Variants in TPR observed in about 807,000 individuals in gnomAD.
The protein encoded by TPR is nucleoprotein TPR.
A neutral mutation model predicts 316.1 loss-of-function variants in TPR; 51 were observed. The observed-to-expected ratio is 0.16, with a 90% CI of 0.13 to 0.20. The LOEUF (loss-of-function observed/expected upper bound fraction) is 0.20, where lower values mean the gene tolerates loss of function less well. Ranked by LOEUF, TPR falls within the 10% of genes least tolerant of loss-of-function variation. The pLI, the probability that TPR is intolerant of heterozygous loss-of-function variation, is 1.00. For synonymous variants in TPR, 981 were observed against 914.7 expected (o/e 1.07, Z -1.31); for missense variants, 2,272 against 2,754.8 (o/e 0.82, Z 3.92).
rs758151167 is a variant in TPR, at chr1:186,312,929, A to C, written c.*1042T>G. The C allele has an allele frequency of 6.3e-7, 1 of 1,589,108 alleles. No homozygotes were observed. Among genetic ancestry groups the C allele is most frequent in the Admixed American group, 1.7e-5 (1 of 59,948 alleles). ...TAACTAACAGTTTCCCAAGGAGGTG[A>C]TATCATTTGTGAAAACATGAAGATA... is the stretch of plus-strand genomic sequence containing the variant. On this transcript the variant is annotated 3_prime_UTR_variant, in exon 51 of 51. Transcript: ENST00000367478.
Position 186,322,385 on chromosome 1 carries a change from T to C in TPR, c.6394A>G (p.Arg2132Gly). The C allele has an allele frequency of 6.2e-7, 1 of 1,613,258 alleles. No homozygotes were observed. The highest frequency in any genetic ancestry group is 8.5e-7 in the Non-Finnish European group (1 of 1,179,762). ...MQQHFFDDED[R>G]TVPSTPTLVV... ...AGAGTTGGAGTACTTGGAACTGTTCTGTCTTCATCATCAAAAAAATGCTGT... is the reference window on the plus strand; with the variant it reads ...AGAGTTGGAGTACTTGGAACTGTTCCGTCTTCATCATCAAAAAAATGCTGT... The change falls in exon 45 of 51, where the codon AGA becomes GGA. Residue 2132 changes from arginine to glycine, a missense_variant. Arg to Gly is a moderately radical substitution (Grantham distance 125, BLOSUM62 -2). Around this residue, in one of 10 missense-constraint regions of TPR, gnomAD observed 88 missense variants for 176.2 expected, o/e 0.50. Coordinates refer to ENST00000367478, the MANE Select transcript of TPR (RefSeq NM_003292.3).
intron 48 of TPR, 107 bp downstream of exon 48, chr1:186,318,340 A>C (rs1265293088): frequency 6.5e-6 from 9 of 1,386,972 alleles, no homozygotes; most frequent in East Asian, 2.4e-5. Context: ...AAAAAAAAAC[A>C]AAAAAAAACA....
chr1:186,367,993 A>G lies in TPR; in HGVS notation c.331-11T>C. The G allele has an allele frequency of 6.3e-7, 1 of 1,585,406 alleles. No homozygotes were observed. On this transcript the variant is annotated splice_polypyrimidine_tract_variant and intron_variant, in intron 3 of 50. Coordinates refer to ENST00000367478, the MANE Select transcript of TPR (RefSeq NM_003292.3). ...TCTTGTAAATTGGCTCTGTCATATA[A>G]AGAAGTAATAAGTAAGAAAATCAAG... is the stretch of plus-strand genomic sequence containing the variant.
Position 186,331,588 on chromosome 1 carries a change from CATAATACACTA to C in TPR, c.5605-18_5605-8del. 6.3e-7 allele frequency: 1 copy of C among 1,593,614 alleles called. No homozygotes were observed. The highest frequency in any genetic ancestry group is 8.6e-7 in the Non-Finnish European group (1 of 1,165,524). Reference sequence around the variant, plus strand: ...CTTCTGCCATAACTTCTTCCTGTATCATAATACACTAATATATTAACCATATCAGTGTAGTA... The same window carrying C: ...CTTCTGCCATAACTTCTTCCTGTATCATATATTAACCATATCAGTGTAGTA... On this transcript the variant is annotated splice_region_variant and splice_polypyrimidine_tract_variant and intron_variant, in intron 38 of 50. Transcript: ENST00000367478.
At chr1:186,365,100 C>T (rs1191583848) in intron 4 of TPR, among the ~76,000 whole-genome samples, 2 of 66,036 alleles carry the variant, frequency 3.0e-5, no homozygotes, top group African/African-American at 7.0e-5. Context: ...AAAGGGGCTG[C>T]CCTTTTTTTT....
chr1:186,331,276 A>G (rs927428761), intron 39 of TPR, among the ~76,000 whole-genome samples: 5 of 152,126 alleles, frequency 3.3e-5, no homozygotes, highest in Non-Finnish European at 7.4e-5. Context: ...TCTGTGCTAT[A>G]TATGAACAAA....
chr1:186,347,221 G>A, intron 22 of TPR, 71 bp downstream of exon 22: 1 of 1,536,464 alleles, frequency 6.5e-7, no homozygotes, highest in Non-Finnish European at 8.9e-7. Context: ...TAAAAAAGCA[G>A]TCCTCTAGTT....
At chr1:186,316,105 C>A (rs183962770) in intron 49 of TPR, among the ~76,000 whole-genome samples, 1 of 151,844 alleles carries the variant, frequency 6.6e-6, no homozygotes, top group Non-Finnish European at 1.5e-5. Context: ...TTTTCTCATA[C>A]AAGCTCTGAT....
intron 21 of TPR, 41 bp from the exon 22 acceptor site, chr1:186,347,499 T>C (rs1489388210): frequency 3.1e-6 from 5 of 1,599,766 alleles, no homozygotes; most frequent in East Asian, 2.2e-5. Context: ...ACATTTTCAA[T>C]AGTATTAGAG....
chr1:186,356,963 T>C (rs1659047161), intron 14 of TPR, among the ~76,000 whole-genome samples: 1 of 152,186 alleles, frequency 6.6e-6, no homozygotes, highest in African/African-American at 2.4e-5. Flanking sequence ...GGTCTTGGAG[T>C]AGAAATTTTT....
intron 17 of TPR, 95 bp downstream of exon 17, chr1:186,355,315 G>T: frequency 3.0e-6 from 4 of 1,337,256 alleles, no homozygotes; most frequent in Non-Finnish European, 4.1e-6. Flanking sequence ...CACAAAAAAA[G>T]CAACACTATT....
rs372851658 is a variant in TPR at position 186,328,514 on chromosome 1, G to A, written c.5689-854C>T. On this transcript the variant is annotated intron_variant, in intron 39 of 50. Coordinates refer to ENST00000367478, the MANE Select transcript of TPR (RefSeq NM_003292.3). ...ATTTCAGTTGCTCAATGGCCAGGGCGGTTAGTGCACAATACAGCTGCAGAC... is the reference window on the plus strand; with the variant it reads ...ATTTCAGTTGCTCAATGGCCAGGGCAGTTAGTGCACAATACAGCTGCAGAC... Among the ~76,000 whole-genome samples the A allele has an allele frequency of 1.7e-4, 26 of 151,988 alleles. No individual in the cohort carries two copies. The South Asian group carries it at 2.7e-3, about 16-fold the overall frequency.
chr1:186,336,038 C>T (rs1479214872), intron 33 of TPR, among the ~76,000 whole-genome samples: 1 of 152,018 alleles, frequency 6.6e-6, no homozygotes, highest in African/African-American at 2.4e-5. Flanking sequence ...CTGAATAAAG[C>T]CCTGAGCCTT....
rs1028775713 is a variant in TPR at position 186,343,758 on chromosome 1, A to G, written c.3602+148T>C. 6 of 884,582 alleles carry G rather than the reference A, an allele frequency of 6.8e-6. No homozygotes were observed. The East Asian group carries it at 1.4e-4, about 20-fold the overall frequency. The allele number at this position is 884,582 out of a possible 1,614,324, so 54.8% of individuals were successfully genotyped here. A position where few individuals can be genotyped will look rare whatever the true frequency, so the allele number is the denominator to read the frequency against. On this transcript the variant is annotated intron_variant, in intron 26 of 50. Coordinates refer to ENST00000367478, the MANE Select transcript of TPR (RefSeq NM_003292.3). The stretch of plus-strand genomic sequence containing the variant: ...TTAAAGTCACTTGTTTAATATGTGT[A>G]AATGTTAAAAGTTATGAGTTCTTTG...
rs139331709 is a variant in TPR at position 186,321,761 on chromosome 1, A to G, written c.6461+557T>C. On this transcript the variant is annotated intron_variant, in intron 45 of 50. Transcript: ENST00000367478. ...CTGCTTATTCCTCTATTATCCTTCT[A>G]CATTGTTTACATTACAGTTAGTTGC... 5.9e-5 allele frequency among the ~76,000 whole-genome samples: 9 copies of G among 152,134 alleles called. No individual in the cohort carries two copies. In the East Asian group the frequency reaches 1.7e-3, roughly 29 times the overall value.
intron 29 of TPR, 122 bp from the exon 30 acceptor site, chr1:186,339,894 A>G: frequency 1.3e-6 from 1 of 767,214 alleles, no homozygotes; most frequent in Non-Finnish European, 1.9e-6. Context: ...GTAATCAAGC[A>G]TGGAACTACA....
At chr1:186,320,197 C>A in intron 46 of TPR, 115 bp downstream of exon 46, 1 of 872,454 alleles carries the variant, frequency 1.1e-6, no homozygotes, top group Non-Finnish European at 1.7e-6. Flanking sequence ...AATTAGCAAA[C>A]AATATCAATT....
At chr1:186,317,807 C>T (rs1657654764) in intron 48 of TPR, among the ~76,000 whole-genome samples, 1 of 152,172 alleles carries the variant, frequency 6.6e-6, no homozygotes, top group Admixed American at 6.5e-5. Flanking sequence ...CCTTTTCTCA[C>T]TATGACATGT....
In TPR at chr1:186,316,599, CTCTG is replaced by C. The variant is rs367580047; in HGVS notation, c.6940+879_6940+882del. Among the ~76,000 whole-genome samples the C allele has an allele frequency of 2.2e-4, 34 of 152,278 alleles. 1 individual carries two copies. In the South Asian group the frequency reaches 7.1e-3, roughly 32 times the overall value. Reference sequence around the variant, plus strand: ...TATATCCTTAATAGTAAAGGTAATTCTCTGTCTAAAAATTTGAGATAGATGAGCT... The same window carrying C: ...TATATCCTTAATAGTAAAGGTAATTCTCTAAAAATTTGAGATAGATGAGCT... On this transcript the variant is annotated intron_variant, in intron 49 of 50. Coordinates refer to ENST00000367478, the MANE Select transcript of TPR (RefSeq NM_003292.3).
Sources: gnomAD v4.1 joint callset for allele counts (sites outside exome capture counted in the v4.1 genomes callset) on GRCh38, gnomAD v4.1.1 for gene constraint, gnomAD v4.1.1 regional missense constraint, MANE v1.5 for transcripts, NCBI Gene and HGNC (gene_info 2026-07-23, HGNC 2026-07-21) for gene names.